The following HEPHL1 variants were observed in gnomAD, a reference collection of about 807,000 sequenced individuals.
The protein encoded by HEPHL1 is hephaestin like 1, also known as ferroxidase HEPHL1.
A neutral mutation model predicts 122.0 loss-of-function variants in HEPHL1; 123 were observed. The ratio of observed to expected loss-of-function variants is 1.01; its 90% confidence interval spans 0.87 to 1.17. The LOEUF is 1.17. Among genes scored for constraint, HEPHL1 ranks in the 50% most tolerant of loss-of-function variants. The pLI is 0.00. For missense variants in HEPHL1, 1,452 were observed against 1,430.5 expected, an observed-to-expected ratio of 1.01 and a Z score of -0.24; for synonymous variants, 527 against 508.9, an observed-to-expected ratio of 1.04 and a Z score of -0.48.
intron 2 of HEPHL1, among the ~76,000 whole-genome samples, chr11:94,052,509 TTGG>T (rs769555372): frequency 2.0e-5 from 3 of 152,150 alleles, no homozygotes; most frequent in Non-Finnish European, 4.4e-5. Flanking sequence ...ATAATAGTTT[TTGG>T]TGGAGCCGTT....
At chr11:94,099,312 A>C (rs1946348017) in intron 13 of HEPHL1, among the ~76,000 whole-genome samples, 1 of 152,214 alleles carries the variant, frequency 6.6e-6, no homozygotes, top group Non-Finnish European at 1.5e-5. Context: ...TCAGCAGCGG[A>C]GGCTGCAGAA....
chr11:94,103,043 A>G (rs1021210123), intron 15 of HEPHL1, 23 bp downstream of exon 15: 1 of 1,322,364 alleles, frequency 7.6e-7, no homozygotes, highest in East Asian at 2.3e-5. Context: ...AAGCAACCAA[A>G]AGGCTTAAAA....
chr11:94,036,838 C>CAA (rs71305380), intron 1 of HEPHL1, among the ~76,000 whole-genome samples: 20,288 of 103,456 alleles, frequency 0.2, 2,123 homozygotes, highest in African/African-American at 0.27. Context: ...GACTCCGTCT[C>CAA]AAAAAAAAAA....
intron 2 of HEPHL1, among the ~76,000 whole-genome samples, chr11:94,049,228 A>G (rs1017615586): frequency 1.3e-5 from 2 of 152,116 alleles, no homozygotes; most frequent in African/African-American, 4.8e-5. Context: ...GCTCAACATC[A>G]CTAATCATTG....
At chr11:94,028,472 AT>A (rs1945645547) in intron 1 of HEPHL1, among the ~76,000 whole-genome samples, 1 of 152,142 alleles carries the variant, frequency 6.6e-6, no homozygotes, top group Non-Finnish European at 1.5e-5. Context: ...TGTTCTGATA[AT>A]GATTAATCTC....
intron 16 of HEPHL1, among the ~76,000 whole-genome samples, chr11:94,104,996 A>G (rs1012152581): frequency 6.6e-6 from 1 of 152,216 alleles, no homozygotes; most frequent in Non-Finnish European, 1.5e-5. Flanking sequence ...GGGATCTCTA[A>G]GCTCTAAGAC....
At chr11:94,063,001 T>C (rs1436677243) in intron 2 of HEPHL1, among the ~76,000 whole-genome samples, 1 of 152,230 alleles carries the variant, frequency 6.6e-6, no homozygotes, top group Non-Finnish European at 1.5e-5. Context: ...TAATACGTAT[T>C]CTAGTCTGCC....
Position 94,097,216 on chromosome 11 carries a change from G to A in HEPHL1, c.2434+3576G>A, listed in dbSNP as rs533075089. On this transcript the variant is annotated intron_variant, in intron 13 of 19. Coordinates refer to ENST00000315765, the MANE Select transcript of HEPHL1 (RefSeq NM_001098672.2). ...TGTGTCCCAGAGATTCTGGTATGTT[G>A]TGTCTTTGTTCTCATTGGTTTCAAA... Among the ~76,000 whole-genome samples, 696 of 152,212 alleles carry A rather than the reference G, an allele frequency of 4.6e-3. 10 individuals carry two copies. The highest frequency in any genetic ancestry group is 4.2e-3 in the Non-Finnish European group (283 of 68,014).
chr11:94,028,475 A>T (rs1452382740), intron 1 of HEPHL1, among the ~76,000 whole-genome samples: 1 of 152,170 alleles, frequency 6.6e-6, no homozygotes, highest in Non-Finnish European at 1.5e-5. Flanking sequence ...TCTGATAATG[A>T]TTAATCTCCT....
chr11:94,102,899 T>C lies in HEPHL1; in HGVS notation c.2576-15T>C. The C allele has an allele frequency of 7.5e-7, 1 of 1,336,318 alleles. No homozygotes were observed. Among genetic ancestry groups the C allele is most frequent in the Non-Finnish European group, 1.1e-6 (1 of 931,750 alleles). 82.8% of individuals were successfully genotyped at this position (1,336,318 alleles called of 1,614,324 possible). A position where few individuals can be genotyped will look rare whatever the true frequency, so the allele number is the denominator to read the frequency against. On this transcript the variant is annotated splice_polypyrimidine_tract_variant and intron_variant, in intron 14 of 19. Transcript: ENST00000315765. The stretch of plus-strand genomic sequence containing the variant: ...AGATAATTCTAATAAATTTTTTCCA[T>C]TTCATTTATTACAGGAGAAGTAAAA...
At chr11:94,089,457 G>T (rs1946246722) in intron 12 of HEPHL1, among the ~76,000 whole-genome samples, 1 of 152,176 alleles carries the variant, frequency 6.6e-6, no homozygotes, top group Non-Finnish European at 1.5e-5. Context: ...CCGGGATCGG[G>T]GTAGGAAGAA....
intron 4 of HEPHL1, among the ~76,000 whole-genome samples, chr11:94,066,770 G>A (rs1017390912): frequency 1.3e-5 from 2 of 152,204 alleles, no homozygotes; most frequent in Non-Finnish European, 1.5e-5. Flanking sequence ...TCGAACTTAA[G>A]AAGGGATATT....
intron 2 of HEPHL1, among the ~76,000 whole-genome samples, chr11:94,061,729 G>C (rs1304742002): frequency 2.0e-5 from 3 of 152,110 alleles, no homozygotes; most frequent in East Asian, 3.9e-4. Flanking sequence ...CTCGTATTGA[G>C]AGAAAATGTA....
chr11:94,028,622 A>G (rs1448151918), intron 1 of HEPHL1, among the ~76,000 whole-genome samples: 3 of 152,196 alleles, frequency 2.0e-5, no homozygotes, highest in African/African-American at 7.2e-5. Flanking sequence ...TGCAGCAGGA[A>G]GTAGACACCT....
chr11:94,055,532 T>C (rs1260039642), intron 2 of HEPHL1: 1 of 245,332 alleles, frequency 4.1e-6, no homozygotes, highest in Admixed American at 4.8e-5. Flanking sequence ...GTTAACCGGC[T>C]TGGAGACCAG....
At chr11:94,101,073 G>A (rs1394074476) in intron 13 of HEPHL1, 122 bp from the exon 14 acceptor site, 1 of 966,644 alleles carries the variant, frequency 1.0e-6, no homozygotes. Context: ...AGTTATATAT[G>A]CCTTTCTCGG....
intron 14 of HEPHL1, among the ~76,000 whole-genome samples, chr11:94,101,591 C>G (rs1946367700): frequency 6.6e-6 from 1 of 152,118 alleles, no homozygotes; most frequent in Non-Finnish European, 1.5e-5. Flanking sequence ...AATTGATGAA[C>G]CTACATTGAT....
rs1490702292 is a variant in HEPHL1, at chr11:94,113,604, T to C, written c.*1710T>C. 6.6e-6 allele frequency: 1 copy of C among 152,220 alleles called. No individual in the cohort carries two copies. The highest frequency in any genetic ancestry group is 1.5e-5 in the Non-Finnish European group (1 of 68,038). The allele number at this position is 152,220 out of a possible 1,614,324, so 9.4% of individuals were successfully genotyped here. On this transcript the variant is annotated 3_prime_UTR_variant, in exon 20 of 20. Coordinates refer to ENST00000315765, the MANE Select transcript of HEPHL1 (RefSeq NM_001098672.2). ...TGTAGGCTGCATAATTTCATAATTA[T>C]GGTAAATGCCTTATTTATTACCCAC...
intron 2 of HEPHL1, among the ~76,000 whole-genome samples, chr11:94,050,845 C>T (rs1249851586): frequency 1.3e-5 from 2 of 152,036 alleles, no homozygotes; most frequent in Non-Finnish European, 2.9e-5. Flanking sequence ...TTCTGGTATC[C>T]ATCCTTCTAT....
Sources: allele counts gnomAD v4.1 joint callset (sites outside exome capture counted in the v4.1 genomes callset), GRCh38; gene constraint gnomAD v4.1.1; transcripts MANE v1.5; gene names NCBI Gene and HGNC (gene_info 2026-07-23, HGNC 2026-07-21).